RYR2: variants seen among roughly 807,000 people sequenced by gnomAD.
RYR2 encodes cardiac muscle ryanodine receptor-calcium release channel.
Under a neutral mutation model 601.1 loss-of-function variants are expected in RYR2, and 227 were observed. That is an observed-to-expected ratio of 0.38 (90% confidence interval 0.34 to 0.42). RYR2 has a LOEUF of 0.42. Among genes scored for constraint, RYR2 ranks in the 10% least tolerant of loss-of-function variants. The pLI is 1.00. For missense variants in RYR2, 4,646 were observed against 6,156.5 expected (o/e 0.75, Z 8.21); for synonymous variants, 2,223 against 2,175.1 (o/e 1.02, Z -0.61).
At chr1:237,255,811 T>C (rs749015724) in intron 1 of RYR2, among the ~76,000 whole-genome samples, 1 of 151,378 alleles carries the variant, frequency 6.6e-6, no homozygotes, top group Non-Finnish European at 1.5e-5. Context: ...ATTTGTGTGA[T>C]GTTCTAGTTG....
chr1:237,490,187 A>AG (rs565583667), intron 17 of RYR2, among the ~76,000 whole-genome samples: 187 of 152,310 alleles, frequency 1.2e-3, no homozygotes, highest in Non-Finnish European at 2.3e-3. Context: ...AGTGGGAGGA[A>AG]GGGGGATCGA....
rs1689345862 is a variant in RYR2 at position 237,717,293 on chromosome 1, A to G, written c.10419A>G (p.Leu3473=). The change falls in exon 72 of 105, where the codon TTA becomes TTG. Residue 3473 remains leucine (L), a synonymous_variant. Coordinates refer to ENST00000366574, the MANE Select transcript of RYR2 (RefSeq NM_001035.3). ...TSLIVAALKR[L]LPIGLNICAP... is the part of the protein sequence containing the mutation. ...TGATTGTAGCAGCTCTGAAGCGGTTACTGCCCATTGGGTTGAACATCTGTG... is the reference window on the plus strand; with the variant it reads ...TGATTGTAGCAGCTCTGAAGCGGTTGCTGCCCATTGGGTTGAACATCTGTG... 6.2e-7 allele frequency: 1 copy of G among 1,613,528 alleles called. No individual in the cohort carries two copies. The highest frequency in any genetic ancestry group is 1.3e-5 in the African/African-American group (1 of 75,042).
At chr1:237,077,612 C>T (rs1383883028) in intron 1 of RYR2, among the ~76,000 whole-genome samples, 2 of 127,046 alleles carry the variant, frequency 1.6e-5, no homozygotes, top group Non-Finnish European at 3.4e-5. Context: ...ACAGGAGCAC[C>T]CAGATTCATA....
chr1:237,698,640 T>C (rs914590601), intron 63 of RYR2, among the ~76,000 whole-genome samples: 3 of 152,048 alleles, frequency 2.0e-5, no homozygotes. Flanking sequence ...TTGTAAACAA[T>C]AAGATTTAAA....
chr1:237,781,903 G>A (rs1573924175), intron 89 of RYR2, among the ~76,000 whole-genome samples: 1 of 152,026 alleles, frequency 6.6e-6, no homozygotes, highest in East Asian at 1.9e-4. Flanking sequence ...TAGTGATATC[G>A]TAAAAAGTAA....
At chr1:237,527,512 G>A (rs1193781974) in intron 24 of RYR2, among the ~76,000 whole-genome samples, 2 of 151,938 alleles carry the variant, frequency 1.3e-5, no homozygotes, top group Non-Finnish European at 1.5e-5. Flanking sequence ...TATAGTACAC[G>A]GTCAGATCTT....
At chr1:237,297,716 T>C (rs1410814442) in intron 2 of RYR2, among the ~76,000 whole-genome samples, 1 of 151,644 alleles carries the variant, frequency 6.6e-6, no homozygotes, top group African/African-American at 2.4e-5. Flanking sequence ...ATAAGTTCAG[T>C]GATTGACTTC....
At chr1:237,115,512 A>AT (rs979579889) in intron 1 of RYR2, among the ~76,000 whole-genome samples, 49 of 152,314 alleles carry the variant, frequency 3.2e-4, no homozygotes, top group African/African-American at 1.2e-3. Context: ...TTTGTGAAGC[A>AT]TTTTTTTAAG....
intron 2 of RYR2, among the ~76,000 whole-genome samples, chr1:237,315,310 C>T (rs1338765633): frequency 6.6e-6 from 1 of 151,998 alleles, no homozygotes; most frequent in African/African-American, 2.4e-5. Flanking sequence ...ATGTTTGAGT[C>T]TGAAGATACT....
intron 25 of RYR2, among the ~76,000 whole-genome samples, chr1:237,541,679 C>T (rs1021047655): frequency 2.0e-5 from 3 of 151,734 alleles, no homozygotes; most frequent in South Asian, 2.1e-4. Context: ...AGAGAGTCAG[C>T]GAAGGGAGAT....
chr1:237,192,590 A>G (rs1680096784), intron 1 of RYR2, among the ~76,000 whole-genome samples: 1 of 152,222 alleles, frequency 6.6e-6, no homozygotes, highest in African/African-American at 2.4e-5. Flanking sequence ...AATAGAAACC[A>G]CACATTCTAC....
chr1:237,176,284 A>AT (rs1457831135), intron 1 of RYR2, among the ~76,000 whole-genome samples: 6 of 46,572 alleles, frequency 1.3e-4, no homozygotes, highest in Non-Finnish European at 2.6e-4. Context: ...AATATATAAA[A>AT]ATAATATATA....
At chr1:237,792,939 C>T (rs1419265417) in intron 94 of RYR2, among the ~76,000 whole-genome samples, 5 of 152,190 alleles carry the variant, frequency 3.3e-5, no homozygotes, top group African/African-American at 1.2e-4. Flanking sequence ...TGTCACACTT[C>T]ACCCAGAAAA....
intron 1 of RYR2, among the ~76,000 whole-genome samples, chr1:237,239,515 T>C (rs1318117486): frequency 1.3e-5 from 2 of 152,204 alleles, no homozygotes; most frequent in Non-Finnish European, 1.5e-5. Flanking sequence ...TCTTTTATTA[T>C]GTAGATGGGT....
intron 27 of RYR2, among the ~76,000 whole-genome samples, chr1:237,553,715 A>C (rs1229277298): frequency 6.6e-6 from 1 of 151,502 alleles, no homozygotes; most frequent in Non-Finnish European, 1.5e-5. Flanking sequence ...AGTTTCTCTT[A>C]GCATTGCTTT....
intron 1 of RYR2, among the ~76,000 whole-genome samples, chr1:237,264,374 G>T (rs1267308598): frequency 6.6e-6 from 1 of 152,160 alleles, no homozygotes; most frequent in African/African-American, 2.4e-5. Context: ...ACTAAGGCTT[G>T]TATATATCTG....
At chr1:237,794,091 C>T (rs1197658913) in intron 95 of RYR2, 94 bp downstream of exon 95, 2 of 1,083,302 alleles carry the variant, frequency 1.8e-6, no homozygotes, top group Non-Finnish European at 2.7e-6. Flanking sequence ...AAAAGTTTAG[C>T]AGAGGTGAAT....
chr1:237,045,261 T>C (rs895394310), intron 1 of RYR2, among the ~76,000 whole-genome samples: 5 of 152,236 alleles, frequency 3.3e-5, no homozygotes, highest in Non-Finnish European at 7.3e-5. Flanking sequence ...TTTCTTTTTT[T>C]AGAAGAGGTG....
At chr1:237,217,614 G>T (rs1316252146) in intron 1 of RYR2, among the ~76,000 whole-genome samples, 3 of 152,146 alleles carry the variant, frequency 2.0e-5, no homozygotes, top group Admixed American at 6.6e-5. Flanking sequence ...TCTGGTACAT[G>T]GTAAGAACTC....
Sources: gnomAD v4.1 joint callset for allele counts (sites outside exome capture counted in the v4.1 genomes callset) on GRCh38, gnomAD v4.1.1 for gene constraint, MANE v1.5 for transcripts, NCBI Gene and HGNC (gene_info 2026-07-23, HGNC 2026-07-21) for gene names.